DPF2: variants seen among roughly 807,000 people sequenced by gnomAD.
DPF2 encodes zinc finger protein ubi-d4.
DPF2 carries 10 observed loss-of-function variants against 59.6 expected under a neutral mutation model. That is an observed-to-expected ratio of 0.17 (90% CI 0.10 to 0.28). The LOEUF is 0.28. DPF2 is among the 10% of genes least tolerant of loss of function. DPF2 has a pLI of 1.00. For synonymous variants in DPF2, 189 were observed against 190.6 expected (o/e 0.99, Z 0.07); for missense variants, 315 against 509.4 (o/e 0.62, Z 3.67).
intron 1 of DPF2, among the ~76,000 whole-genome samples, chr11:65,338,526 C>T (rs1331548700): frequency 6.6e-6 from 1 of 152,236 alleles, no homozygotes; most frequent in East Asian, 1.9e-4. Context: ...AACAAAGGAG[C>T]TGCCGCACTC....
At chr11:65,348,731 A>T in intron 9 of DPF2, 119 bp from the exon 10 acceptor site, 1 of 894,848 alleles carries the variant, frequency 1.1e-6, no homozygotes. Context: ...TTTCCCACAT[A>T]AGATTCTCAC....
In DPF2 at chr11:65,348,881, G is replaced by A. The variant is rs1555032051; in HGVS notation, c.1049G>A (p.Arg350His). ...TTGCTCTTCTGTGATGACTGCGATC[G>A]TGGCTACCACATGTACTGTCTCACC... The part of the protein sequence containing the change: ...DQLLFCDDCD[R>H]GYHMYCLTPS... Residue 350 changes from arginine to histidine, a missense_variant, in exon 10 of 11, where the codon CGT (arginine) becomes CAT (histidine). Coordinates refer to ENST00000528416, the MANE Select transcript of DPF2 (RefSeq NM_006268.5). 6.2e-7 allele frequency: 1 copy of A among 1,614,098 alleles called. No homozygotes were observed. The highest frequency in any genetic ancestry group is 8.5e-7 in the Non-Finnish European group (1 of 1,180,038).
At chr11:65,341,797 A>C in intron 4 of DPF2, 1 of 446,452 alleles carries the variant, frequency 2.2e-6, no homozygotes, top group Non-Finnish European at 3.9e-6. Flanking sequence ...TATTATACAC[A>C]TATATAATTT....
At chr11:65,344,316 C>T in intron 6 of DPF2, 2 of 614,724 alleles carry the variant, frequency 3.3e-6, no homozygotes, top group South Asian at 4.0e-5. Flanking sequence ...GTGGGGGCCA[C>T]AGCAGGCAGG....
chr11:65,340,947 A>G lies in DPF2; in HGVS notation c.194-19A>G, dbSNP rs373233186. On this transcript the variant is annotated intron_variant, in intron 2 of 10. Coordinates refer to ENST00000528416, the MANE Select transcript of DPF2 (RefSeq NM_006268.5). Reference sequence around the variant, plus strand: ...AATACTGGGTTAGGGCCTGACTTCTATCTTTCTTCCTGCCACAGGATTGGC... The same window carrying G: ...AATACTGGGTTAGGGCCTGACTTCTGTCTTTCTTCCTGCCACAGGATTGGC... 1.9e-6 allele frequency: 3 copies of G among 1,612,862 alleles called. No homozygotes were observed. The highest frequency in any genetic ancestry group is 2.7e-5 in the African/African-American group (2 of 74,902).
chr11:65,337,498 TATATATAGAGAG>T (rs1336383469), intron 1 of DPF2, among the ~76,000 whole-genome samples: 164 of 48,000 alleles, frequency 3.4e-3, no homozygotes, highest in Middle Eastern at 0.023. Context: ...TATATATATA[TATATATAGAGAG>T]AGAGAGAGAG....
chr11:65,343,564 A>G, intron 4 of DPF2, 181 bp from the exon 5 acceptor site: 1 of 600,900 alleles, frequency 1.7e-6, no homozygotes, highest in Non-Finnish European at 2.9e-6. Flanking sequence ...AAGATATCCC[A>G]AAGTATGGAA....
Position 65,350,342 on chromosome 11 carries a change from C to G in DPF2, c.1100-1341C>G, listed in dbSNP as rs577300757. Among the ~76,000 whole-genome samples the G allele has an allele frequency of 7.6e-5, 11 of 144,440 alleles. No individual in the cohort carries two copies. The South Asian group carries it at 9.2e-4, about 12-fold the overall frequency. 94.8% of individuals were successfully genotyped at this position (144,440 alleles called of 152,430 possible). On this transcript the variant is annotated intron_variant, in intron 10 of 10. Coordinates refer to ENST00000528416, the MANE Select transcript of DPF2 (RefSeq NM_006268.5). ...AATAGCTTGCAAGCTGTTTTGTTTT[C>G]TTTTCTTTTCTCTTTTTCTTTTTCT...
intron 6 of DPF2, 92 bp from the exon 7 acceptor site, chr11:65,345,574 C>T: frequency 6.4e-7 from 1 of 1,553,560 alleles, no homozygotes; most frequent in Non-Finnish European, 8.7e-7. Context: ...TGGTTGCCCT[C>T]TGCCTCAGGT....
rs565064270 is a variant in DPF2, at chr11:65,354,262, A to G, written c.*2503A>G. On this transcript the variant is annotated 3_prime_UTR_variant, in exon 11 of 11. Transcript: ENST00000528416. ...TCTAATAAAATACTCGTCCTAAATC[A>G]TTACTGGCCCAAGCATGCAGTGTTT... Among the ~76,000 whole-genome samples the G allele has an allele frequency of 1.3e-5, 2 of 152,352 alleles. No homozygotes were observed. Among genetic ancestry groups the G allele is most frequent in the East Asian group, 3.9e-4 (2 of 5,186 alleles).
rs1048235093 is a variant in DPF2, at chr11:65,343,834, C to T, written c.555C>T (p.Ser185=). ...DTPKRRGKGK[S]KGKGVGSARK... ...CCAAGCGTCGGGGAAAGGGGAAATC[C>T]AAGGTGAGGGGCCAGCGTGCTGCCT... Residue 185 remains serine, a synonymous_variant, in exon 5 of 11, where the codon TCC becomes TCT. Coordinates refer to ENST00000528416, the MANE Select transcript of DPF2 (RefSeq NM_006268.5). 1.3e-6 allele frequency: 2 copies of T among 1,584,306 alleles called. No homozygotes were observed.
chr11:65,346,476 C>T (rs940469478), intron 9 of DPF2, 117 bp downstream of exon 9: 4 of 817,646 alleles, frequency 4.9e-6, no homozygotes, highest in East Asian at 2.7e-5. Flanking sequence ...TCCCACATGC[C>T]ACACGCCCCT....
intron 1 of DPF2, among the ~76,000 whole-genome samples, chr11:65,340,148 G>C (rs1854318659): frequency 1.3e-5 from 2 of 152,164 alleles, no homozygotes; most frequent in Non-Finnish European, 2.9e-5. Flanking sequence ...AGTCTGATTA[G>C]ACATATGATG....
chr11:65,337,500 T>G (rs1182640999), intron 1 of DPF2, among the ~76,000 whole-genome samples: 2,179 of 39,824 alleles, frequency 0.055, 53 homozygotes, highest in Non-Finnish European at 0.064. Context: ...TATATATATA[T>G]ATATAGAGAG....
chr11:65,343,426 AG>A (rs1470958439), intron 4 of DPF2: 4 of 328,622 alleles, frequency 1.2e-5, no homozygotes, highest in African/African-American at 8.3e-5. Flanking sequence ...GTGGCCAATC[AG>A]AGGCAGGAGA....
At chr11:65,344,457 C>T in intron 6 of DPF2, 1 of 918,600 alleles carries the variant, frequency 1.1e-6, no homozygotes, top group Non-Finnish European at 1.6e-6. Context: ...TTCTGTCCCT[C>T]CACCCTGGGA....
rs994854120 is a variant in DPF2 at position 65,343,815 on chromosome 11, G to A, written c.536G>A (p.Arg179His). The A allele has an allele frequency of 5.7e-6, 9 of 1,587,534 alleles. No individual in the cohort carries two copies. Among genetic ancestry groups the A allele is most frequent in the Non-Finnish European group, 5.1e-6 (6 of 1,166,306 alleles). ...DEDYEEDTPK[R>H]RGKGKSKGKG... ...GACTATGAAGAAGATACTCCCAAGC[G>A]TCGGGGAAAGGGGAAATCCAAGGTG... is the stretch of plus-strand genomic sequence containing the variant. Residue 179 changes from arginine (R) to histidine (H), a missense_variant, in exon 5 of 11, where the codon CGT becomes CAT. Physicochemically the swap from Arg to His is conservative, Grantham distance 29. Coordinates refer to ENST00000528416, the MANE Select transcript of DPF2 (RefSeq NM_006268.5).
At chr11:65,341,263 T>C (rs1405810698) in intron 3 of DPF2, 136 bp from the exon 4 acceptor site, 1 of 1,348,030 alleles carries the variant, frequency 7.4e-7, no homozygotes, top group African/African-American at 1.5e-5. Flanking sequence ...CCAAGTGAAC[T>C]AGGGTGTCTT....
At position 65,353,703 on chromosome 11, in the gene DPF2, C is replaced by T. The variant is rs1854788691; in HGVS notation, c.*1944C>T. On this transcript the variant is annotated 3_prime_UTR_variant, in exon 11 of 11. Coordinates refer to ENST00000528416, the MANE Select transcript of DPF2 (RefSeq NM_006268.5). ...TTTGAATCAAGCAGTTATGGGCCCC[C>T]TGAAGTATCCTTTTTTCTAGAACAT... Among the ~76,000 whole-genome samples, 1 of 152,216 alleles carries T rather than the reference C, an allele frequency of 6.6e-6. No individual in the cohort carries two copies. Among genetic ancestry groups the T allele is most frequent in the Non-Finnish European group, 1.5e-5 (1 of 68,038 alleles).
Sources: gnomAD v4.1 joint callset for allele counts (sites outside exome capture counted in the v4.1 genomes callset) on GRCh38, gnomAD v4.1.1 for gene constraint, MANE v1.5 for transcripts, NCBI Gene and HGNC (gene_info 2026-07-23, HGNC 2026-07-21) for gene names.